Variants in ELP4 observed in about 807,000 individuals in gnomAD.
ELP4 encodes elongator complex protein 4.
A neutral mutation model predicts 48.9 loss-of-function variants in ELP4; 51 were observed. The ratio of observed to expected loss-of-function variants is 1.04; its 90% CI spans 0.83 to 1.32. The LOEUF (loss-of-function observed/expected upper bound fraction) is 1.32, where lower values mean the gene tolerates loss of function less well. Among genes scored for constraint, ELP4 ranks in the 40% most tolerant of loss-of-function variants. The pLI is 0.00. For missense variants in ELP4, 519 were observed against 514.6 expected, an observed-to-expected ratio of 1.01 and a Z score of -0.08; for synonymous variants, 210 against 189.2, an observed-to-expected ratio of 1.11 and a Z score of -0.90.
chr11:31,710,488 T>C (rs1420030222), intron 9 of ELP4, among the ~76,000 whole-genome samples: 5 of 151,994 alleles, frequency 3.3e-5, no homozygotes, highest in African/African-American at 1.2e-4. Flanking sequence ...AGCCAGGCAT[T>C]GTGGCACATG....
At chr11:31,562,086 TAAG>T (rs941338709) in intron 3 of ELP4, among the ~76,000 whole-genome samples, 1 of 152,180 alleles carries the variant, frequency 6.6e-6, no homozygotes, top group African/African-American at 2.4e-5. Context: ...GGGACCTCGA[TAAG>T]AAATTTAAAT....
intron 3 of ELP4, among the ~76,000 whole-genome samples, chr11:31,555,557 A>G (rs1286077873): frequency 1.3e-5 from 2 of 151,846 alleles, no homozygotes; most frequent in Non-Finnish European, 2.9e-5. Flanking sequence ...TTACTATGAA[A>G]AAGTACAAAA....
intron 9 of ELP4, among the ~76,000 whole-genome samples, chr11:31,687,871 G>A (rs865840824): frequency 6.6e-6 from 1 of 151,992 alleles, no homozygotes; most frequent in Non-Finnish European, 1.5e-5. Context: ...AAAGAATCAG[G>A]GTTACCCCCA....
chr11:31,671,137 T>A (rs1485482443), intron 9 of ELP4, among the ~76,000 whole-genome samples: 1 of 152,162 alleles, frequency 6.6e-6, no homozygotes, highest in Non-Finnish European at 1.5e-5. Flanking sequence ...GGCCTTAGTT[T>A]CCTTTCACAT....
intron 3 of ELP4, among the ~76,000 whole-genome samples, chr11:31,544,556 T>C (rs1443303234): frequency 6.6e-6 from 1 of 152,164 alleles, no homozygotes; most frequent in African/African-American, 2.4e-5. Flanking sequence ...CTCTGTAGGC[T>C]CCACCTCTCG....
At chr11:31,510,185 T>C (rs1317309226) in intron 1 of ELP4, among the ~76,000 whole-genome samples, 178 bp downstream of exon 1, 3 of 152,224 alleles carry the variant, frequency 2.0e-5, no homozygotes, top group Non-Finnish European at 4.4e-5. Flanking sequence ...TTCTGAGCGC[T>C]GTTAACTAAA....
At chr11:31,646,493 T>A (rs1418344854) in intron 7 of ELP4, 1 of 151,776 alleles carries the variant, frequency 6.6e-6, no homozygotes, top group African/African-American at 2.4e-5. Context: ...CCTCTTTAAT[T>A]TTTCATTCTT....
At chr11:31,749,856 A>T (rs1328425470) in intron 9 of ELP4, among the ~76,000 whole-genome samples, 16 of 140,250 alleles carry the variant, frequency 1.1e-4, no homozygotes, top group East Asian at 4.1e-4. Flanking sequence ...CCTTTATGAC[A>T]TTTTTTTTTT....
At chr11:31,767,996 A>G (rs1948074076) in intron 9 of ELP4, 1 of 152,226 alleles carries the variant, frequency 6.6e-6, no homozygotes, top group Admixed American at 6.5e-5. Context: ...CTGTGAAGCC[A>G]GTGTAATTTG....
intron 2 of ELP4, among the ~76,000 whole-genome samples, chr11:31,535,404 A>G (rs1956483819): frequency 6.6e-6 from 1 of 152,142 alleles, no homozygotes; most frequent in South Asian, 2.1e-4. Flanking sequence ...GCGCAGTGGT[A>G]CAATCATGGC....
chr11:31,743,260 AC>A (rs1947500110), intron 9 of ELP4, among the ~76,000 whole-genome samples: 1 of 152,172 alleles, frequency 6.6e-6, no homozygotes, highest in Non-Finnish European at 1.5e-5. Flanking sequence ...GTCCTTAGTG[AC>A]CTACAAAGAG....
At chr11:31,616,856 C>A (rs1378491911) in intron 5 of ELP4, among the ~76,000 whole-genome samples, 1 of 151,884 alleles carries the variant, frequency 6.6e-6, no homozygotes, top group Non-Finnish European at 1.5e-5. Flanking sequence ...CAAGTCAAAA[C>A]CACAAGATAC....
At chr11:31,700,669 A>G (rs1029000317) in intron 9 of ELP4, among the ~76,000 whole-genome samples, 1 of 152,096 alleles carries the variant, frequency 6.6e-6, no homozygotes, top group African/African-American at 2.4e-5. Context: ...CTTACTCAAG[A>G]TAGGGACATG....
rs1188695727 is a variant in ELP4 at position 31,785,627 on chromosome 11, A to G, written c.*2103A>G. 1 of 196,532 alleles carries G rather than the reference A, an allele frequency of 5.1e-6. No homozygotes were observed. The highest frequency in any genetic ancestry group is 1.1e-5 in the Non-Finnish European group (1 of 94,806). The allele number at this position is 196,532 out of a possible 1,614,324, so 12.2% of individuals were successfully genotyped here. A position where few individuals can be genotyped will look rare whatever the true frequency, so the allele number is the denominator to read the frequency against. On this transcript the variant is annotated 3_prime_UTR_variant, in exon 10 of 10. Coordinates refer to ENST00000640961, the MANE Select transcript of ELP4 (RefSeq NM_019040.5). The stretch of plus-strand genomic sequence containing the variant: ...TCATATCCAAGTGCTTTGTTTTTCT[A>G]ATTCACTGGGCCGGCTTTGTAAAAA...
chr11:31,600,506 A>G (rs1286416328), intron 4 of ELP4: 1 of 151,742 alleles, frequency 6.6e-6, no homozygotes, highest in Non-Finnish European at 1.5e-5. Context: ...GGTGTAGATG[A>G]CCAACAAATA....
At chr11:31,593,012 C>T (rs1233535654) in intron 3 of ELP4, among the ~76,000 whole-genome samples, 1 of 152,028 alleles carries the variant, frequency 6.6e-6, no homozygotes, top group Non-Finnish European at 1.5e-5. Context: ...TGCCAGGTGT[C>T]CCTGGGGTTG....
At chr11:31,730,602 T>C (rs944048030) in intron 9 of ELP4, among the ~76,000 whole-genome samples, 1 of 152,164 alleles carries the variant, frequency 6.6e-6, no homozygotes, top group African/African-American at 2.4e-5. Context: ...GGCTTCTGTG[T>C]CATCTCTCTC....
At chr11:31,694,679 GT>G in intron 9 of ELP4, among the ~76,000 whole-genome samples, 1 of 152,180 alleles carries the variant, frequency 6.6e-6, no homozygotes, top group Middle Eastern at 3.4e-3. Context: ...CTTTAAAGTA[GT>G]TTTTCTAATT....
chr11:31,514,082 T>G (rs1480110532), intron 1 of ELP4, among the ~76,000 whole-genome samples: 1 of 152,216 alleles, frequency 6.6e-6, no homozygotes, highest in Non-Finnish European at 1.5e-5. Context: ...TGTATTCTTT[T>G]GTGTACATAA....
Sources: gnomAD v4.1 joint callset for allele counts (sites outside exome capture counted in the v4.1 genomes callset) on GRCh38, gnomAD v4.1.1 for gene constraint, MANE v1.5 for transcripts, NCBI Gene and HGNC (gene_info 2026-07-23, HGNC 2026-07-21) for gene names.